The following LRFN2 variants were observed in gnomAD, a reference collection of about 807,000 sequenced individuals.
The protein encoded by LRFN2 is leucine-rich repeat and fibronectin type-III domain-containing protein 2.
In LRFN2, 18 loss-of-function variants were observed where a neutral mutation model predicts 37.3. The observed-to-expected ratio is 0.48, with a 90% CI of 0.33 to 0.72. LRFN2 has a LOEUF of 0.72. LRFN2 is among the 30% of genes least tolerant of loss of function. The pLI, the probability that LRFN2 is intolerant of heterozygous loss-of-function variation, is 0.02. For synonymous variants in LRFN2, 556 were observed against 466.6 expected (o/e 1.19, Z -2.47); for missense variants, 1,006 against 1,060.7 (o/e 0.95, Z 0.72).
intron 1 of LRFN2, among the ~76,000 whole-genome samples, chr6:40,557,774 G>A (rs1420719967): frequency 6.6e-6 from 1 of 152,100 alleles, no homozygotes; most frequent in Non-Finnish European, 1.5e-5. Context: ...TGTTAAATGG[G>A]GATGATAACA....
Position 40,392,537 on chromosome 6 carries a change from G to A in LRFN2, c.1776C>T (p.Ala592=), listed in dbSNP as rs756804987. ...AQPPPPSSAP[A]GAPPQGPPKV... is the part of the protein sequence containing the mutation. ...TCGGCGGGCCCTGCGGCGGGGCCCC[G>A]GCTGGTGCGCTGCTTGGAGGCGGTG... is the stretch of plus-strand genomic sequence containing the variant. Residue 592 remains alanine (A), a synonymous_variant, in exon 3 of 3, where the codon GCC becomes GCT. Transcript: ENST00000338305. This position sits in a 1 kb window ranked among gnomAD's most constrained non-coding sequence, Gnocchi z 4.7. 11 of 1,575,238 alleles carry A rather than the reference G, an allele frequency of 7.0e-6. No homozygotes were observed. The highest frequency in any genetic ancestry group is 2.4e-5 in the East Asian group (1 of 42,416).
intron 2 of LRFN2, among the ~76,000 whole-genome samples, chr6:40,429,246 G>C (rs1385139714): frequency 6.6e-6 from 1 of 152,186 alleles, no homozygotes; most frequent in Non-Finnish European, 1.5e-5. Context: ...GATTACAGGA[G>C]TCTACCCCAA....
chr6:40,425,678 A>C (rs1763336489), intron 2 of LRFN2, among the ~76,000 whole-genome samples: 1 of 152,168 alleles, frequency 6.6e-6, no homozygotes, highest in Non-Finnish European at 1.5e-5. Flanking sequence ...CTCCCTAGTC[A>C]CAAAGGAAAC....
At chr6:40,407,450 A>G (rs571229601) in intron 2 of LRFN2, among the ~76,000 whole-genome samples, 1 of 152,328 alleles carries the variant, frequency 6.6e-6, no homozygotes, top group Non-Finnish European at 1.5e-5. Flanking sequence ...GAGTAATACT[A>G]GCCTTCTGTG....
At chr6:40,474,246 G>C (rs1764663875) in intron 1 of LRFN2, among the ~76,000 whole-genome samples, 1 of 152,212 alleles carries the variant, frequency 6.6e-6, no homozygotes, top group South Asian at 2.1e-4. Flanking sequence ...ATTCTGAAAT[G>C]AAGGTGTCAG....
chr6:40,426,102 A>C (rs1184782365), intron 2 of LRFN2, among the ~76,000 whole-genome samples: 1 of 152,174 alleles, frequency 6.6e-6, no homozygotes, highest in African/African-American at 2.4e-5. Flanking sequence ...GCTTAAATGC[A>C]CCTTAACTCC....
chr6:40,478,506 C>T (rs1396784828), intron 1 of LRFN2, among the ~76,000 whole-genome samples: 1 of 152,160 alleles, frequency 6.6e-6, no homozygotes, highest in Non-Finnish European at 1.5e-5. Flanking sequence ...GAGCAACTTG[C>T]CCACAGTCAC....
At chr6:40,575,694 T>A (rs1767264784) in intron 1 of LRFN2, among the ~76,000 whole-genome samples, 1 of 151,972 alleles carries the variant, frequency 6.6e-6, no homozygotes, top group African/African-American at 2.4e-5. Flanking sequence ...CATGAAGCCA[T>A]CCCACCCCAT....
In LRFN2 at chr6:40,391,821, C is replaced by T; in HGVS notation, c.*122G>A. On this transcript the variant is annotated 3_prime_UTR_variant, in exon 3 of 3. Coordinates refer to ENST00000338305, the MANE Select transcript of LRFN2 (RefSeq NM_020737.3). ...GTAGGGGGGGACACGAGGCCATTGA[C>T]AGGGAGACGAAACTGTCCCTGGATG... The T allele has an allele frequency of 2.8e-6, 3 of 1,060,738 alleles. No homozygotes were observed. The highest frequency in any genetic ancestry group is 2.6e-6 in the Non-Finnish European group (2 of 768,536). The allele number at this position is 1,060,738 out of a possible 1,614,324, so 65.7% of individuals were successfully genotyped here. A position where few individuals can be genotyped will look rare whatever the true frequency, so the allele number is the denominator to read the frequency against.
chr6:40,459,007 T>A (rs2113848545), intron 1 of LRFN2, among the ~76,000 whole-genome samples: 1 of 152,370 alleles, frequency 6.6e-6, no homozygotes. Context: ...TCCTAACTGA[T>A]ACACTGGATT....
chr6:40,501,190 A>G (rs1366971349), intron 1 of LRFN2, among the ~76,000 whole-genome samples: 1 of 151,120 alleles, frequency 6.6e-6, no homozygotes, highest in Non-Finnish European at 1.5e-5. Flanking sequence ...ATTATTTAGT[A>G]TTATATATAA....
At chr6:40,528,499 T>G (rs1766294217) in intron 1 of LRFN2, among the ~76,000 whole-genome samples, 1 of 152,166 alleles carries the variant, frequency 6.6e-6, no homozygotes, top group African/African-American at 2.4e-5. Flanking sequence ...GGAGCTAAGG[T>G]GGACCCTCTT....
intron 1 of LRFN2, among the ~76,000 whole-genome samples, chr6:40,437,811 A>T (rs546556493): frequency 3.3e-5 from 5 of 152,234 alleles, no homozygotes; most frequent in Non-Finnish European, 7.3e-5. Flanking sequence ...GAGGAACGCC[A>T]GGCCTAGTTC....
intron 1 of LRFN2, among the ~76,000 whole-genome samples, chr6:40,492,629 C>T (rs1433188297): frequency 1.3e-5 from 2 of 152,180 alleles, no homozygotes; most frequent in African/African-American, 2.4e-5. Flanking sequence ...CAGCACTACT[C>T]ACCTGCCCTC....
intron 1 of LRFN2, among the ~76,000 whole-genome samples, chr6:40,552,947 C>A (rs1766803479): frequency 6.6e-6 from 1 of 152,212 alleles, no homozygotes; most frequent in African/African-American, 2.4e-5. Flanking sequence ...CATACCTAAT[C>A]ATTTCATTAA....
chr6:40,439,056 C>T (rs1763766171), intron 1 of LRFN2, among the ~76,000 whole-genome samples: 1 of 152,118 alleles, frequency 6.6e-6, no homozygotes, highest in African/African-American at 2.4e-5. Context: ...GGGCTTCCTC[C>T]CCTCACTCCC....
rs201653824 is a variant in LRFN2, at chr6:40,536,421, CAT to C, written c.-19+50518_-19+50519del. ...CCGAACCCAGAACATGTATTACACACATGTTAACTATTCCCCAAGGTCACAGT... is the reference window on the plus strand; with the variant it reads ...CCGAACCCAGAACATGTATTACACACGTTAACTATTCCCCAAGGTCACAGT... On this transcript the variant is annotated intron_variant, in intron 1 of 2. Transcript: ENST00000338305. 8.3e-3 allele frequency among the ~76,000 whole-genome samples: 1,259 copies of C among 152,338 alleles called. 15 individuals carry two copies. The highest frequency in any genetic ancestry group is 0.031 in the Middle Eastern group (9 of 294).
chr6:40,429,006 T>C (rs1395959807), intron 2 of LRFN2, among the ~76,000 whole-genome samples: 1 of 152,216 alleles, frequency 6.6e-6, no homozygotes, highest in Non-Finnish European at 1.5e-5. Flanking sequence ...TTGATAATAA[T>C]AATCTGTATT....
chr6:40,433,884 G>A lies in LRFN2; in HGVS notation c.-18-753C>T, dbSNP rs1290863578. ...TCTATCTGGACCCTCACATACATCAGCTCTTTTGGGCTTTAGGAATCCCCT... is the reference window on the plus strand; with the variant it reads ...TCTATCTGGACCCTCACATACATCAACTCTTTTGGGCTTTAGGAATCCCCT... On this transcript the variant is annotated intron_variant, in intron 1 of 2. Coordinates refer to ENST00000338305, the MANE Select transcript of LRFN2 (RefSeq NM_020737.3). Among the ~76,000 whole-genome samples, 3 of 152,214 alleles carry A rather than the reference G, an allele frequency of 2.0e-5. No homozygotes were observed. In the South Asian group the frequency reaches 6.2e-4, roughly 32 times the overall value.
Sources: gnomAD v4.1 joint callset for allele counts (sites outside exome capture counted in the v4.1 genomes callset) on GRCh38, gnomAD v4.1.1 for gene constraint, Gnocchi (gnomAD v3.1) non-coding constraint, MANE v1.5 for transcripts, NCBI Gene and HGNC (gene_info 2026-07-23, HGNC 2026-07-21) for gene names.